The following ADGRB3 variants were observed in gnomAD, a reference collection of about 807,000 sequenced individuals.
ADGRB3 encodes the protein adhesion G protein-coupled receptor B3.
In ADGRB3, 37 loss-of-function variants were observed where a neutral mutation model predicts 193.4. The ratio of observed to expected loss-of-function variants is 0.19; its 90% CI spans 0.15 to 0.25. The LOEUF (loss-of-function observed/expected upper bound fraction) is 0.25, where lower values mean the gene tolerates loss of function less well. Among genes scored for constraint, ADGRB3 ranks in the 10% least tolerant of loss-of-function variants. ADGRB3 has a pLI of 1.00. For missense variants in ADGRB3, 1,637 were observed against 1,852.9 expected, an observed-to-expected ratio of 0.88 and a Z score of 2.14; for synonymous variants, 690 against 644.2, an observed-to-expected ratio of 1.07 and a Z score of -1.08.
At chr6:68,741,053 A>G (rs2127340955) in intron 3 of ADGRB3, among the ~76,000 whole-genome samples, 1 of 152,314 alleles carries the variant, frequency 6.6e-6, no homozygotes, top group Admixed American at 6.5e-5. Flanking sequence ...CTTTGGGACA[A>G]ACATGGAAGT....
chr6:69,080,812 T>C (rs1435135520), intron 17 of ADGRB3, among the ~76,000 whole-genome samples: 2 of 152,170 alleles, frequency 1.3e-5, no homozygotes, highest in East Asian at 3.9e-4. Flanking sequence ...TAGCACAGGT[T>C]GGTCTGTTTA....
At chr6:69,069,690 C>A (rs1772018482) in intron 16 of ADGRB3, among the ~76,000 whole-genome samples, 1 of 141,966 alleles carries the variant, frequency 7.0e-6, no homozygotes, top group African/African-American at 2.6e-5. Flanking sequence ...AAGATTGTGC[C>A]ACTGCACTCC....
chr6:68,976,799 C>A (rs2150266490), intron 10 of ADGRB3, among the ~76,000 whole-genome samples: 1 of 152,084 alleles, frequency 6.6e-6, no homozygotes, highest in Non-Finnish European at 1.5e-5. Context: ...AGAGGCAATA[C>A]AAAATCTGCA....
At chr6:69,232,340 C>A in intron 17 of ADGRB3, 1 of 1,256,896 alleles carries the variant, frequency 8.0e-7, no homozygotes, top group Non-Finnish European at 1.0e-6. Context: ...TCCCCCATCC[C>A]CCCCACCACG....
intron 10 of ADGRB3, among the ~76,000 whole-genome samples, chr6:68,992,319 G>A (rs1769259989): frequency 6.6e-6 from 1 of 152,172 alleles, no homozygotes; most frequent in South Asian, 2.1e-4. Flanking sequence ...ATAATTACCA[G>A]TAGTTTAGAA....
At chr6:68,702,082 C>G (rs116982810) in intron 3 of ADGRB3, among the ~76,000 whole-genome samples, 3,361 of 152,146 alleles carry the variant, frequency 0.022, 64 homozygotes, top group South Asian at 0.069. Flanking sequence ...GTAAGTGACT[C>G]TTGGATCTGC....
intron 3 of ADGRB3, among the ~76,000 whole-genome samples, chr6:68,674,862 G>A (rs550260146): frequency 7.9e-5 from 12 of 152,250 alleles, no homozygotes; most frequent in South Asian, 2.1e-4. Context: ...GTTCCAAATC[G>A]TATGTTTTTC....
intron 3 of ADGRB3, among the ~76,000 whole-genome samples, chr6:68,768,060 A>C (rs1422025115): frequency 6.6e-6 from 1 of 152,176 alleles, no homozygotes; most frequent in Non-Finnish European, 1.5e-5. Context: ...AAATGGAAAA[A>C]ACATTCTATT....
chr6:69,173,091 A>G (rs1775329916), intron 17 of ADGRB3, among the ~76,000 whole-genome samples: 1 of 152,152 alleles, frequency 6.6e-6, no homozygotes, highest in Non-Finnish European at 1.5e-5. Flanking sequence ...AGGCTAGAGT[A>G]CAGTGGTGTG....
intron 16 of ADGRB3, among the ~76,000 whole-genome samples, chr6:69,073,472 GA>G (rs202078388): frequency 2.7e-5 from 4 of 150,434 alleles, no homozygotes; most frequent in Admixed American, 6.6e-5. Context: ...TGAAGGGTGA[GA>G]AAAAAAAATG....
In ADGRB3 at chr6:69,233,270, C is replaced by T. The variant is rs374107008; in HGVS notation, c.2481-20C>T. The T allele has an allele frequency of 4.7e-5, 76 of 1,610,966 alleles. No individual in the cohort carries two copies. The highest frequency in any genetic ancestry group is 5.5e-5 in the South Asian group (5 of 90,440). ...AGGCGTATTTATCCCGATTTCCTCC[C>T]CCCTCACTCCCCTTTGCAGGAACGA... On this transcript the variant is annotated intron_variant, in intron 17 of 31. Transcript: ENST00000370598.
intron 17 of ADGRB3, among the ~76,000 whole-genome samples, chr6:69,227,620 A>T (rs749664580): frequency 1.3e-5 from 2 of 152,192 alleles, no homozygotes; most frequent in Non-Finnish European, 2.9e-5. Context: ...GATTGTGTAT[A>T]GTCATCTGTC....
chr6:69,134,776 A>G (rs1774106039), intron 17 of ADGRB3, among the ~76,000 whole-genome samples: 1 of 151,962 alleles, frequency 6.6e-6, no homozygotes, highest in South Asian at 2.1e-4. Flanking sequence ...ATATATACCT[A>G]AAATAATTGG....
At chr6:68,950,019 A>G (rs1380617407) in intron 6 of ADGRB3, among the ~76,000 whole-genome samples, 4 of 152,040 alleles carry the variant, frequency 2.6e-5, no homozygotes, top group Non-Finnish European at 5.9e-5. Context: ...AATGGAAGAC[A>G]GATTTTTGCT....
chr6:69,052,488 A>G (rs1233207567), intron 15 of ADGRB3, among the ~76,000 whole-genome samples: 1 of 152,366 alleles, frequency 6.6e-6, no homozygotes, highest in East Asian at 1.9e-4. Flanking sequence ...TGTTATACAC[A>G]GAAATAATAA....
chr6:68,777,193 T>A (rs1020663454), intron 3 of ADGRB3, among the ~76,000 whole-genome samples: 5 of 152,124 alleles, frequency 3.3e-5, no homozygotes, highest in Admixed American at 2.6e-4. Flanking sequence ...AGCATGTAAG[T>A]GTGTGTTCTT....
chr6:68,879,213 CTTTTTT>C lies in ADGRB3; in HGVS notation c.758-51328_758-51323del, dbSNP rs529789046. Among the ~76,000 whole-genome samples, 288 of 91,908 alleles carry C rather than the reference CTTTTTT, an allele frequency of 3.1e-3. 3 individuals are homozygous for C. The highest frequency in any genetic ancestry group is 0.012 in the African/African-American group (251 of 20,640). The allele number at this position is 91,908 out of a possible 152,430, so 60.3% of individuals were successfully genotyped here. ...CTCTTTTCTGCTTTACTTTTTGTCG[CTTTTTT>C]TTTTTTTTTTTTTTTTTGACAGAGT... On this transcript the variant is annotated intron_variant, in intron 3 of 31. Coordinates refer to ENST00000370598, the MANE Select transcript of ADGRB3 (RefSeq NM_001704.3).
At chr6:68,705,011 A>T (rs1213337989) in intron 3 of ADGRB3, among the ~76,000 whole-genome samples, 3 of 152,230 alleles carry the variant, frequency 2.0e-5, no homozygotes, top group Non-Finnish European at 4.4e-5. Flanking sequence ...GTTACCAGAG[A>T]AAAGAAAGCT....
chr6:69,163,585 T>C (rs964198350), intron 17 of ADGRB3, among the ~76,000 whole-genome samples: 1 of 152,096 alleles, frequency 6.6e-6, no homozygotes, highest in Non-Finnish European at 1.5e-5. Context: ...ATCATAGATA[T>C]AATAAATTGC....
Sources: allele counts gnomAD v4.1 joint callset (sites outside exome capture counted in the v4.1 genomes callset), GRCh38; gene constraint gnomAD v4.1.1; transcripts MANE v1.5; gene names NCBI Gene and HGNC (gene_info 2026-07-23, HGNC 2026-07-21).